MPPED1: variants seen among roughly 807,000 people sequenced by gnomAD.
The protein encoded by MPPED1 is metallophosphoesterase domain-containing protein 1.
Under a neutral mutation model 36.2 loss-of-function variants are expected in MPPED1, and 16 were observed. The observed-to-expected ratio is 0.44, with a 90% CI of 0.30 to 0.67. The LOEUF (loss-of-function observed/expected upper bound fraction) is 0.67, where lower values mean the gene tolerates loss of function less well. Among genes scored for constraint, MPPED1 ranks in the 30% least tolerant of loss-of-function variants. The pLI is 0.10. For missense variants in MPPED1, 307 were observed against 453.4 expected (o/e 0.68, Z 2.93); for synonymous variants, 199 against 191.3 (o/e 1.04, Z -0.33).
In MPPED1 at chr22:43,474,857, G is replaced by A. The variant is rs375444166; in HGVS notation, c.528G>A (p.Leu176=). 2.0e-5 allele frequency: 32 copies of A among 1,613,928 alleles called. No homozygotes were observed. Among genetic ancestry groups the A allele is most frequent in the African/African-American group, 4.0e-5 (3 of 74,928 alleles). ...ACTACTTCCCATCTGTGTCGAAGCT[G>A]AAGCCGGAGAACTATGAGAATGTGC... is the stretch of plus-strand genomic sequence containing the variant. The part of the protein sequence containing the change: ...DFYYFPSVSK[L]KPENYENVQS... The change falls in exon 4 of 7, where the codon CTG becomes CTA. Residue 176 remains leucine (L), a synonymous_variant. Transcript: ENST00000443721. This position sits in a 1 kb window ranked among gnomAD's most constrained non-coding sequence, Gnocchi z 5.2.
chr22:43,499,243 T>G (rs1602023813), intron 5 of MPPED1, among the ~76,000 whole-genome samples: 1 of 135,108 alleles, frequency 7.4e-6, no homozygotes, highest in Admixed American at 7.4e-5. Flanking sequence ...GGGGATGGGG[T>G]GGTGGTGGTG....
At chr22:43,430,746 G>C (rs555723291) in intron 2 of MPPED1, among the ~76,000 whole-genome samples, 1 of 151,954 alleles carries the variant, frequency 6.6e-6, no homozygotes, top group East Asian at 1.9e-4. Context: ...TTTTTTTTGG[G>C]GGGGAGTCAC....
At chr22:43,446,499 C>G (rs1016900620) in intron 3 of MPPED1, among the ~76,000 whole-genome samples, 2 of 152,162 alleles carry the variant, frequency 1.3e-5, no homozygotes, top group African/African-American at 4.8e-5. Context: ...GCCAGCCGTG[C>G]CCATGTCTGG....
intron 3 of MPPED1, among the ~76,000 whole-genome samples, chr22:43,463,898 TTTC>T (rs1287106442): frequency 6.6e-6 from 1 of 151,078 alleles, no homozygotes; most frequent in African/African-American, 2.4e-5. Context: ...TCTGTCTTTC[TTTC>T]TTTTCTTTTC....
chr22:43,492,705 A>G (rs1398492141), intron 4 of MPPED1, among the ~76,000 whole-genome samples: 1 of 152,164 alleles, frequency 6.6e-6, no homozygotes, highest in Non-Finnish European at 1.5e-5. Flanking sequence ...GAGCCTGCTC[A>G]TGGCTGGGTG....
At chr22:43,421,052 G>T (rs1045141512) in intron 1 of MPPED1, among the ~76,000 whole-genome samples, 70 of 152,330 alleles carry the variant, frequency 4.6e-4, no homozygotes, top group African/African-American at 1.6e-3. Context: ...CACTCCGCTG[G>T]ACTGAGAGCC....
intron 4 of MPPED1, among the ~76,000 whole-genome samples, chr22:43,495,482 G>GTGGTGA (rs1569088598): frequency 1.9e-5 from 1 of 52,674 alleles, no homozygotes. Context: ...GGTGGAGGTG[G>GTGGTGA]TGGTGGAGGT....
chr22:43,505,694 A>G lies in MPPED1; in HGVS notation c.*78A>G. The G allele has an allele frequency of 2.3e-6, 3 of 1,330,440 alleles. No homozygotes were observed. Among genetic ancestry groups the G allele is most frequent in the South Asian group, 2.6e-5 (2 of 75,544 alleles). 82.4% of individuals were successfully genotyped at this position (1,330,440 alleles called of 1,614,324 possible). Reference sequence around the variant, plus strand: ...CCCGGCCACTGTTCCTTCCATGCTGAGTTGCCTGGACGACCCATCTGGCTG... The same window carrying G: ...CCCGGCCACTGTTCCTTCCATGCTGGGTTGCCTGGACGACCCATCTGGCTG... On this transcript the variant is annotated 3_prime_UTR_variant, in exon 7 of 7. Coordinates refer to ENST00000443721, the MANE Select transcript of MPPED1 (RefSeq NM_001044370.2).
At chr22:43,500,278 C>G (rs796508729) in intron 5 of MPPED1, among the ~76,000 whole-genome samples, 16 of 19,858 alleles carry the variant, frequency 8.1e-4, no homozygotes, top group East Asian at 1.6e-3. Context: ...ATGGAGGTGG[C>G]GGTGGTGATG....
chr22:43,439,715 C>G (rs138051631), intron 3 of MPPED1, among the ~76,000 whole-genome samples: 160 of 152,362 alleles, frequency 1.1e-3, no homozygotes, highest in Non-Finnish European at 1.7e-3. Flanking sequence ...TGTGAAACAT[C>G]TGTCACGGTG....
At chr22:43,475,710 ATGG>A (rs1931544516) in intron 4 of MPPED1, among the ~76,000 whole-genome samples, 1 of 101,254 alleles carries the variant, frequency 9.9e-6, no homozygotes, top group African/African-American at 4.5e-5. Context: ...GGTGGTGATG[ATGG>A]TGGTGATGGT....
At chr22:43,484,770 T>G (rs1404171170) in intron 4 of MPPED1, among the ~76,000 whole-genome samples, 2 of 152,158 alleles carry the variant, frequency 1.3e-5, no homozygotes, top group Admixed American at 6.5e-5. Context: ...GAGCCCCGCC[T>G]GAGCCTCTCA....
chr22:43,462,912 C>T (rs937879776), intron 3 of MPPED1, among the ~76,000 whole-genome samples: 5 of 152,310 alleles, frequency 3.3e-5, no homozygotes, highest in African/African-American at 4.8e-5. Flanking sequence ...TGGTGGAGCA[C>T]ACCCTCCAGT....
At chr22:43,464,400 C>T (rs1931090239) in intron 3 of MPPED1, among the ~76,000 whole-genome samples, 1 of 150,706 alleles carries the variant, frequency 6.6e-6, no homozygotes, top group Non-Finnish European at 1.5e-5. Flanking sequence ...TATATTGATA[C>T]CTATGGGTTT....
intron 3 of MPPED1, among the ~76,000 whole-genome samples, chr22:43,442,001 C>T (rs141526488): frequency 3.5e-4 from 54 of 152,252 alleles, no homozygotes; most frequent in Middle Eastern, 3.4e-3. Flanking sequence ...GGTGGGGCCT[C>T]GCCCTCCCCT....
intron 3 of MPPED1, among the ~76,000 whole-genome samples, chr22:43,473,881 C>A (rs899416520): frequency 3.3e-5 from 5 of 152,158 alleles, no homozygotes; most frequent in Admixed American, 1.3e-4. Flanking sequence ...GAAAACTGGA[C>A]CCCAGAGAGA....
rs185189937 is a variant in MPPED1, at chr22:43,488,092, G to C, written c.633-10143G>C. On this transcript the variant is annotated intron_variant, in intron 4 of 6. Coordinates refer to ENST00000443721, the MANE Select transcript of MPPED1 (RefSeq NM_001044370.2). ...GCCATGGTGGCAGCTGCCTCTCTTG[G>C]GGGGGTGTGAGGATTGAGTCTGGCT... Among the ~76,000 whole-genome samples, 461 of 152,210 alleles carry C rather than the reference G, an allele frequency of 3.0e-3. 8 individuals are homozygous for C. The highest frequency in any genetic ancestry group is 0.027 in the Admixed American group (407 of 15,300).
intron 2 of MPPED1, among the ~76,000 whole-genome samples, chr22:43,426,468 C>T (rs375610232): frequency 6.6e-6 from 1 of 152,100 alleles, no homozygotes; most frequent in South Asian, 2.1e-4. Context: ...GAGTCTGGTG[C>T]CCCAAAAAGG....
At chr22:43,499,767 G>A (rs1932585675) in intron 5 of MPPED1, among the ~76,000 whole-genome samples, 1 of 62,942 alleles carries the variant, frequency 1.6e-5, no homozygotes, top group African/African-American at 7.8e-5. Context: ...GGAGGTGGCG[G>A]TGGTGATGGT....
Sources: gnomAD v4.1 joint callset for allele counts (sites outside exome capture counted in the v4.1 genomes callset) on GRCh38, gnomAD v4.1.1 for gene constraint, Gnocchi (gnomAD v3.1) non-coding constraint, MANE v1.5 for transcripts, NCBI Gene and HGNC (gene_info 2026-07-23, HGNC 2026-07-21) for gene names.